Variants in LRP1B observed in about 807,000 individuals in gnomAD.
LRP1B encodes the protein low-density lipoprotein receptor-related protein 1B.
Under a neutral mutation model 556.6 loss-of-function variants are expected in LRP1B, and 217 were observed. That is an observed-to-expected ratio of 0.39 (90% confidence interval 0.35 to 0.44). The LOEUF is 0.44. Ranked by LOEUF, LRP1B falls within the 20% of genes least tolerant of loss-of-function variation. The pLI is 1.00. For synonymous variants in LRP1B, 2,047 were observed against 1,865.8 expected (o/e 1.10, Z -2.50); for missense variants, 5,053 against 5,620.8 (o/e 0.90, Z 3.23).
At chr2:141,781,949 T>C (rs1695268966) in intron 2 of LRP1B, among the ~76,000 whole-genome samples, 4 of 152,166 alleles carry the variant, frequency 2.6e-5, no homozygotes, top group Admixed American at 2.6e-4. Context: ...TGTTCTCTTT[T>C]TAGCTCTCTG....
chr2:141,069,648 T>C (rs1699580338), intron 7 of LRP1B, among the ~76,000 whole-genome samples: 2 of 152,058 alleles, frequency 1.3e-5, no homozygotes, highest in Admixed American at 1.3e-4. Context: ...TACACTTTAC[T>C]GCAGCTGCCA....
chr2:141,433,790 A>G lies in LRP1B; in HGVS notation c.343+46606T>C, dbSNP rs1480394615. Among the ~76,000 whole-genome samples, 4 of 151,522 alleles carry G rather than the reference A, an allele frequency of 2.6e-5. No individual in the cohort carries two copies. The East Asian group carries it at 7.8e-4, about 29-fold the overall frequency. On this transcript the variant is annotated intron_variant, in intron 3 of 90. Transcript: ENST00000389484. ...GGAGTTTGTTGCATTTCTTGGATGT[A>G]TGTTAATGTTTTCCATAAAATTAGG...
intron 5 of LRP1B, among the ~76,000 whole-genome samples, chr2:141,238,408 G>A (rs941170536): frequency 3.3e-5 from 5 of 152,124 alleles, no homozygotes; most frequent in South Asian, 4.2e-4. Context: ...TTGAAAACAC[G>A]GGTCCTTAGA....
chr2:140,631,830 C>A (rs1683897678), intron 41 of LRP1B, among the ~76,000 whole-genome samples: 1 of 152,056 alleles, frequency 6.6e-6, no homozygotes, highest in Non-Finnish European at 1.5e-5. Flanking sequence ...ACTAAACTAT[C>A]CACAATAAGA....
chr2:140,387,934 CTT>C (rs536602296), intron 66 of LRP1B, among the ~76,000 whole-genome samples: 16 of 138,326 alleles, frequency 1.2e-4, no homozygotes, highest in South Asian at 2.3e-4. Flanking sequence ...CTTGTACTTT[CTT>C]TTTTTTTTTT....
chr2:140,401,146 C>T (rs1684481648), intron 66 of LRP1B, among the ~76,000 whole-genome samples: 1 of 152,106 alleles, frequency 6.6e-6, no homozygotes, highest in African/African-American at 2.4e-5. Context: ...CTTGGTGGGG[C>T]TAGTGGGAAG....
chr2:140,509,988 G>C lies in LRP1B; in HGVS notation c.8338C>G (p.Leu2780Val), dbSNP rs1428211841. ...GSRACVPRHWLCDGERDCPDG... is the reference protein window; with the variant it reads ...GSRACVPRHWVCDGERDCPDG... The stretch of plus-strand genomic sequence containing the variant: ...GGACAGTCCCTTTCACCATCACAAA[G>C]CCAATGTCGGGGCACGCAGGCACGA... The change falls in exon 52 of 91, where the codon CTT becomes GTT. Residue 2780 changes from leucine (L) to valine (V), a missense_variant. By Grantham distance (32) the Leu-to-Val change is conservative. This residue lies in a region of LRP1B where 3,619 missense variants were observed against 3,931.9 expected (regional missense o/e 0.92). Coordinates refer to ENST00000389484, the MANE Select transcript of LRP1B (RefSeq NM_018557.3). 2 of 1,614,008 alleles carry C rather than the reference G, an allele frequency of 1.2e-6. No homozygotes were observed. The highest frequency in any genetic ancestry group is 1.7e-6 in the Non-Finnish European group (2 of 1,180,022).
Position 141,640,651 on chromosome 2 carries a change from G to A in LRP1B, c.206-160118C>T, listed in dbSNP as rs775153096. 6.6e-5 allele frequency among the ~76,000 whole-genome samples: 10 copies of A among 152,154 alleles called. No individual in the cohort carries two copies. In the East Asian group the frequency reaches 1.2e-3, roughly 18 times the overall value. On this transcript the variant is annotated intron_variant, in intron 2 of 90. Coordinates refer to ENST00000389484, the MANE Select transcript of LRP1B (RefSeq NM_018557.3). ...TGAAACCCACCTACAAAAAGTAGCC[G>A]GGCATGATGGCATGGGCCTGTAATC...
chr2:140,428,628 C>T (rs1019479122), intron 66 of LRP1B, among the ~76,000 whole-genome samples: 4 of 152,154 alleles, frequency 2.6e-5, no homozygotes, highest in African/African-American at 9.7e-5. Context: ...GCCTGATCGT[C>T]TCTGAAGCCC....
intron 43 of LRP1B, among the ~76,000 whole-genome samples, chr2:140,557,880 G>T (rs529808619): frequency 6.6e-6 from 1 of 152,134 alleles, no homozygotes; most frequent in Admixed American, 6.6e-5. Flanking sequence ...TAGGTTTATG[G>T]CTTATTATCT....
intron 2 of LRP1B, among the ~76,000 whole-genome samples, chr2:141,577,806 G>A (rs1686805806): frequency 6.6e-6 from 1 of 152,072 alleles, no homozygotes. Context: ...TATTCTCCTG[G>A]CAGGACACAA....
rs2105097322 is a variant in LRP1B at position 140,840,934 on chromosome 2, C to A, written c.5098G>T (p.Ala1700Ser). Residue 1700 changes from alanine (A) to serine (S), a missense_variant, in exon 30 of 91, where the codon GCT (alanine) becomes TCT (serine). Around this residue, in one of 5 missense-constraint regions of LRP1B, gnomAD observed 3,619 missense variants for 3,931.9 expected, o/e 0.92. Coordinates refer to ENST00000389484, the MANE Select transcript of LRP1B (RefSeq NM_018557.3). ...ATACTTTACCCCCTGACTGGGTGAG[C>A]TGCAAGACACTGTGGCTTATCGATT... Reference protein sequence around the residue: ...HGIDKPQCLAAHPVRGKLYWT... With the variant: ...HGIDKPQCLASHPVRGKLYWT... 6.2e-7 allele frequency: 1 copy of A among 1,609,358 alleles called. No homozygotes were observed. Among genetic ancestry groups the A allele is most frequent in the Non-Finnish European group, 8.5e-7 (1 of 1,177,808 alleles).
chr2:140,688,561 A>G (rs542461134), intron 41 of LRP1B, among the ~76,000 whole-genome samples: 2 of 152,344 alleles, frequency 1.3e-5, no homozygotes, highest in Admixed American at 6.5e-5. Flanking sequence ...CACTGCATGG[A>G]TTGCAGAAGG....
chr2:140,567,591 C>A (rs1422709513), intron 43 of LRP1B, among the ~76,000 whole-genome samples: 2 of 152,280 alleles, frequency 1.3e-5, no homozygotes, highest in East Asian at 3.9e-4. Context: ...AATTCTGGAA[C>A]AAAGAGTGAA....
At chr2:140,946,968 A>C (rs1695566635) in intron 20 of LRP1B, among the ~76,000 whole-genome samples, 1 of 152,162 alleles carries the variant, frequency 6.6e-6, no homozygotes, top group African/African-American at 2.4e-5. Context: ...TGGGAGCTAA[A>C]CCTTTGGTAC....
chr2:140,276,505 A>C (rs1388814), intron 84 of LRP1B, among the ~76,000 whole-genome samples: 3,729 of 151,960 alleles, frequency 0.025, 160 homozygotes, highest in African/African-American at 0.084. Context: ...GGGTATATAT[A>C]CACAACACAA....
chr2:140,716,977 A>C lies in LRP1B; in HGVS notation c.5759-161T>G, dbSNP rs373603363. Among the ~76,000 whole-genome samples, 22 of 152,234 alleles carry C rather than the reference A, an allele frequency of 1.4e-4. 1 individual carries two copies. The South Asian group carries it at 4.6e-3, about 31-fold the overall frequency. On this transcript the variant is annotated intron_variant, in intron 35 of 90. Transcript: ENST00000389484. ...ATAATTTACTAATATAAATAGTAAA[A>C]AAAAAGCATGAAAAGAACATGAAAG...
chr2:140,686,172 G>A (rs1377746535), intron 41 of LRP1B, among the ~76,000 whole-genome samples: 2 of 152,076 alleles, frequency 1.3e-5, no homozygotes, highest in African/African-American at 2.4e-5. Context: ...AGGACAGGGT[G>A]GATTTAAGGT....
chr2:140,898,928 T>A (rs913916535), intron 23 of LRP1B: 2 of 374,096 alleles, frequency 5.3e-6, no homozygotes, highest in Admixed American at 3.4e-5. Flanking sequence ...CAGGTCTCAA[T>A]AAAGATATCT....
Sources: allele counts gnomAD v4.1 joint callset (sites outside exome capture counted in the v4.1 genomes callset), GRCh38; gene constraint gnomAD v4.1.1; regional missense constraint gnomAD v4.1.1; transcripts MANE v1.5; gene names NCBI Gene and HGNC (gene_info 2026-07-23, HGNC 2026-07-21).